EEF2K: variants seen among roughly 807,000 people sequenced by gnomAD.
EEF2K encodes the protein alternative protein EEF2K.
Under a neutral mutation model 93.8 loss-of-function variants are expected in EEF2K, and 70 were observed. The ratio of observed to expected loss-of-function variants is 0.75; its 90% CI spans 0.62 to 0.91. The LOEUF (loss-of-function observed/expected upper bound fraction) is 0.91. EEF2K is among the 40% of genes least tolerant of loss of function. The pLI is 0.00. For synonymous variants in EEF2K, 376 were observed against 380.8 expected (o/e 0.99, Z 0.15); for missense variants, 935 against 972.9 (o/e 0.96, Z 0.52).
intron 1 of EEF2K, among the ~76,000 whole-genome samples, chr16:22,223,074 C>T (rs1002060574): frequency 6.6e-6 from 1 of 152,060 alleles, no homozygotes; most frequent in Admixed American, 6.6e-5. Flanking sequence ...ATTGCTGTTG[C>T]TTTGCCTTCT....
chr16:22,231,590 A>C (rs2047115842), intron 2 of EEF2K, among the ~76,000 whole-genome samples: 1 of 152,178 alleles, frequency 6.6e-6, no homozygotes, highest in African/African-American at 2.4e-5. Flanking sequence ...AAAGTTACAC[A>C]TATGTATCAC....
chr16:22,243,871 C>T (rs535598935), intron 2 of EEF2K, among the ~76,000 whole-genome samples: 5 of 143,330 alleles, frequency 3.5e-5, no homozygotes, highest in East Asian at 2.2e-4. Context: ...TGCAGTGAGC[C>T]GAGATTGCAC....
chr16:22,259,029 A>T (rs63615363), intron 10 of EEF2K, among the ~76,000 whole-genome samples: 1 of 151,520 alleles, frequency 6.6e-6, no homozygotes, highest in African/African-American at 2.4e-5. Flanking sequence ...CAAAAAAAAA[A>T]TCTAAATAGA....
intron 3 of EEF2K, among the ~76,000 whole-genome samples, chr16:22,246,371 C>T (rs542225232): frequency 2.6e-5 from 4 of 151,354 alleles, no homozygotes; most frequent in African/African-American, 9.7e-5. Context: ...AAAATTTAGC[C>T]GGGTGTGGTG....
intron 3 of EEF2K, among the ~76,000 whole-genome samples, chr16:22,246,070 C>T (rs576102281): frequency 8.5e-5 from 13 of 152,280 alleles, no homozygotes; most frequent in African/African-American, 1.2e-4. Context: ...CACTGCTGAT[C>T]GCAAGCCCGA....
intron 5 of EEF2K, 114 bp downstream of exon 5, chr16:22,250,805 T>C: frequency 7.2e-7 from 1 of 1,379,404 alleles, no homozygotes; most frequent in Non-Finnish European, 1.0e-6. Context: ...CTCTGCCTTC[T>C]TGTAGCCCAG....
chr16:22,216,447 G>C (rs553776491), intron 1 of EEF2K, among the ~76,000 whole-genome samples: 5 of 152,238 alleles, frequency 3.3e-5, no homozygotes, highest in African/African-American at 1.2e-4. Context: ...AAGCTTTTGA[G>C]GTTGATAAGC....
chr16:22,209,998 G>C (rs1598156964), intron 1 of EEF2K, among the ~76,000 whole-genome samples: 1 of 152,036 alleles, frequency 6.6e-6, no homozygotes, highest in African/African-American at 2.4e-5. Context: ...GTCTCACTCT[G>C]TTGCCCAGGC....
rs186862152 is a variant in EEF2K, at chr16:22,270,938, G to T, written c.1765-2688G>T. Among the ~76,000 whole-genome samples, 43 of 149,654 alleles carry T rather than the reference G, an allele frequency of 2.9e-4. 1 individual carries two copies. Among genetic ancestry groups the T allele is most frequent in the Admixed American group, 1.8e-3 (27 of 14,962 alleles). ...TATATATATGTGTGTATATATGTGT[G>T]TGTGTGTATATATATATACATATTT... On this transcript the variant is annotated intron_variant, in intron 15 of 17. Coordinates refer to ENST00000263026, the MANE Select transcript of EEF2K (RefSeq NM_013302.5).
intron 2 of EEF2K, among the ~76,000 whole-genome samples, chr16:22,234,899 T>TTA (rs1185430519): frequency 0.033 from 4,799 of 145,388 alleles, 101 homozygotes; most frequent in Non-Finnish European, 0.052. Flanking sequence ...TTTTTTTTTT[T>TTA]AGGGGCGGTT....
At chr16:22,221,414 C>T (rs1018017016) in intron 1 of EEF2K, among the ~76,000 whole-genome samples, 1 of 151,870 alleles carries the variant, frequency 6.6e-6, no homozygotes, top group African/African-American at 2.4e-5. Context: ...TTGGAGGCTA[C>T]AGTGAGCTGT....
At chr16:22,241,469 A>T (rs898719997) in intron 2 of EEF2K, among the ~76,000 whole-genome samples, 1 of 151,004 alleles carries the variant, frequency 6.6e-6, no homozygotes, top group Non-Finnish European at 1.5e-5. Flanking sequence ...ACATGGTGAA[A>T]CCCCGTCTCT....
chr16:22,250,722 T>G (rs2047341562), intron 5 of EEF2K, 31 bp downstream of exon 5: 1 of 1,613,974 alleles, frequency 6.2e-7, no homozygotes, highest in Admixed American at 1.7e-5. Flanking sequence ...CTTGGGGCCC[T>G]GCCCAGAGTC....
In EEF2K at chr16:22,257,258, C is replaced by T. The variant is rs1353138460; in HGVS notation, c.774C>T (p.Phe258=). ...DDNIRLTPQA[F]SHFTFERSGH... ...TTCCTTCCTGTCCCCTGTAGGCCTT[C>T]AGCCACTTCACTTTTGAGCGTTCCG... Residue 258 remains phenylalanine (F), a synonymous_variant, in exon 8 of 18, where the codon TTC becomes TTT. Transcript: ENST00000263026. 2 of 1,614,192 alleles carry T rather than the reference C, an allele frequency of 1.2e-6. No individual in the cohort carries two copies. The highest frequency in any genetic ancestry group is 1.7e-6 in the Non-Finnish European group (2 of 1,180,040).
In EEF2K at chr16:22,257,641, A is replaced by T. The variant is rs186367980; in HGVS notation, c.902-2A>T. The T allele has an allele frequency of 7.4e-6, 12 of 1,612,756 alleles. No individual in the cohort carries two copies. The Admixed American group carries it at 1.2e-4, about 16-fold the overall frequency. On this transcript the variant is annotated splice_acceptor_variant, in intron 8 of 17. Transcript: ENST00000263026. LOFTEE classifies it high-confidence loss of function. ...CTCCAGACACCCCCGCTCTGTCCAC[A>T]GGTGTCCGCGGGATGGCGCTCTTCT...
Position 22,207,048 on chromosome 16 carries a change from A to T in EEF2K, c.-77+369A>T, listed in dbSNP as rs996000081. Among the ~76,000 whole-genome samples the T allele has an allele frequency of 7.7e-4, 117 of 152,152 alleles. 2 individuals carry two copies. Among genetic ancestry groups the T allele is most frequent in the Non-Finnish European group, 5.9e-5 (4 of 68,016 alleles). ...TGTCCCCTGCAGGGCTCAGAGCCGCATCCCCCACCTTTCCCCTGAACTAGA... is the reference window on the plus strand; with the variant it reads ...TGTCCCCTGCAGGGCTCAGAGCCGCTTCCCCCACCTTTCCCCTGAACTAGA... On this transcript the variant is annotated intron_variant, in intron 1 of 17. Transcript: ENST00000263026.
In EEF2K at chr16:22,274,480, C is replaced by T. The variant is rs1011916030; in HGVS notation, c.1889+730C>T. Among the ~76,000 whole-genome samples the T allele has an allele frequency of 1.1e-4, 16 of 150,748 alleles. 1 individual carries two copies. Among genetic ancestry groups the T allele is most frequent in the East Asian group, 3.9e-4 (2 of 5,150 alleles). On this transcript the variant is annotated intron_variant, in intron 16 of 17. Transcript: ENST00000263026. ...AAAAAAAGATAAAAGTCATGTGATA[C>T]GAGGCAGCCATTCTAACCAGTATAG...
At chr16:22,217,158 C>T (rs1227972148) in intron 1 of EEF2K, among the ~76,000 whole-genome samples, 1 of 77,848 alleles carries the variant, frequency 1.3e-5, no homozygotes, top group African/African-American at 7.6e-5. Context: ...AAGACCCTGT[C>T]TCAAAAAAAA....
At position 22,266,796 on chromosome 16, in the gene EEF2K, G is replaced by C. The variant is rs760265054; in HGVS notation, c.1684G>C (p.Gly562Arg). 2.7e-5 allele frequency: 44 copies of C among 1,614,088 alleles called. No homozygotes were observed. The highest frequency in any genetic ancestry group is 3.6e-5 in the Non-Finnish European group (42 of 1,180,048). Residue 562 changes from glycine to arginine, a missense_variant, in exon 15 of 18, where the codon GGC becomes CGC. Coordinates refer to ENST00000263026, the MANE Select transcript of EEF2K (RefSeq NM_013302.5). Reference sequence around the variant, plus strand: ...CCACCTGGAGCACGCAGCCAACCTGGGCGAGCTGGAGGCCATCGTGGGCCT... The same window carrying C: ...CCACCTGGAGCACGCAGCCAACCTGCGCGAGCTGGAGGCCATCGTGGGCCT... ...VFHLEHAANL[G>R]ELEAIVGLGL... is the part of the protein sequence containing the mutation.
Sources: allele counts gnomAD v4.1 joint callset (sites outside exome capture counted in the v4.1 genomes callset), GRCh38; gene constraint gnomAD v4.1.1; transcripts MANE v1.5; gene names NCBI Gene and HGNC (gene_info 2026-07-23, HGNC 2026-07-21).